The following OR9Q1 variants were observed in gnomAD, a reference collection of about 807,000 sequenced individuals.
The protein encoded by OR9Q1 is olfactory receptor family 9 subfamily Q member 1.
For synonymous variants in OR9Q1, 153 were observed against 148.6 expected (o/e 1.03, Z -0.22); for missense variants, 374 against 378.8 (o/e 0.99, Z 0.11).
At chr11:58,127,680 G>T (rs756668096) in intron 2 of OR9Q1, among the ~76,000 whole-genome samples, 2 of 152,180 alleles carry the variant, frequency 1.3e-5, no homozygotes, top group Admixed American at 6.5e-5. Context: ...AGCAGCTGCA[G>T]GTGGGTGTAC....
chr11:58,108,862 G>T, intron 2 of OR9Q1: 2 of 355,806 alleles, frequency 5.6e-6, no homozygotes, highest in Non-Finnish European at 1.1e-5. Flanking sequence ...TTCCTCTGAG[G>T]ATTTGGCGGA....
intron 2 of OR9Q1, among the ~76,000 whole-genome samples, chr11:58,154,175 A>G (rs12799306): frequency 1.7e-5 from 1 of 58,840 alleles, no homozygotes; most frequent in Non-Finnish European, 4.1e-5. Flanking sequence ...GAGGAGAAGG[A>G]GGAGGGGAAG....
rs386373862 is a variant in OR9Q1, at chr11:58,035,945, G to GTTTT, written c.-93+11853_-93+11856dup. Among the ~76,000 whole-genome samples, 108 of 141,492 alleles carry GTTTT rather than the reference G, an allele frequency of 7.6e-4. 1 individual carries two copies. The highest frequency in any genetic ancestry group is 2.3e-3 in the African/African-American group (88 of 38,716). The allele number at this position is 141,492 out of a possible 152,430, so 92.8% of individuals were successfully genotyped here. A position where few individuals can be genotyped will look rare whatever the true frequency, so the allele number is the denominator to read the frequency against. On this transcript the variant is annotated intron_variant, in intron 1 of 2. Coordinates refer to ENST00000335397, the MANE Select transcript of OR9Q1 (RefSeq NM_001005212.4). Reference sequence around the variant, plus strand: ...GTGTTATTGTGCTTCACTGGTACTGGTTTTTTTTTTTTTTTACAAATTGAA... The same window carrying GTTTT: ...GTGTTATTGTGCTTCACTGGTACTGGTTTTTTTTTTTTTTTTTTTACAAATTGAA...
At chr11:58,164,688 G>A (rs933788922) in intron 2 of OR9Q1, among the ~76,000 whole-genome samples, 3 of 152,022 alleles carry the variant, frequency 2.0e-5, no homozygotes, top group African/African-American at 4.8e-5. Flanking sequence ...ACATTCTCTC[G>A]GTAGTCCAAC....
chr11:58,127,496 G>A (rs1022840789), intron 2 of OR9Q1, among the ~76,000 whole-genome samples: 2 of 152,194 alleles, frequency 1.3e-5, no homozygotes, highest in Admixed American at 6.5e-5. Context: ...CATGGGCCTA[G>A]TTCTGCCTCC....
chr11:58,039,609 A>C (rs919445518), intron 1 of OR9Q1, among the ~76,000 whole-genome samples: 1 of 152,212 alleles, frequency 6.6e-6, no homozygotes, highest in African/African-American at 2.4e-5. Context: ...CAGACTTTGC[A>C]TAGGTGGTCA....
At chr11:58,124,696 G>A (rs1390290259) in intron 2 of OR9Q1, 2 of 152,120 alleles carry the variant, frequency 1.3e-5, no homozygotes, top group Non-Finnish European at 2.9e-5. Context: ...GGAAATGAAG[G>A]TTTAGAGACA....
intron 2 of OR9Q1, among the ~76,000 whole-genome samples, chr11:58,122,227 G>A (rs1369157987): frequency 6.6e-6 from 1 of 152,126 alleles, no homozygotes; most frequent in Non-Finnish European, 1.5e-5. Context: ...CTCTAATCAG[G>A]GTCCTAGTGG....
intron 2 of OR9Q1, among the ~76,000 whole-genome samples, chr11:58,163,908 G>A (rs904466639): frequency 1.3e-5 from 2 of 152,172 alleles, no homozygotes; most frequent in Non-Finnish European, 2.9e-5. Flanking sequence ...CATTCTTAGC[G>A]ATGGCCCAAC....
intron 2 of OR9Q1, among the ~76,000 whole-genome samples, chr11:58,155,866 A>T (rs1249670372): frequency 6.6e-6 from 1 of 151,182 alleles, no homozygotes; most frequent in Non-Finnish European, 1.5e-5. Context: ...AGCATTTTTT[A>T]TAATTTTGGC....
intron 2 of OR9Q1, among the ~76,000 whole-genome samples, chr11:58,131,063 A>C (rs1900536): frequency 1.3e-5 from 2 of 151,960 alleles, no homozygotes; most frequent in Non-Finnish European, 1.5e-5. Context: ...CTGGAGTTTG[A>C]ATGCTATAAA....
At position 58,034,425 on chromosome 11, in the gene OR9Q1, T is replaced by C. The variant is rs141246036; in HGVS notation, c.-93+10321T>C. 1.0e-3 allele frequency among the ~76,000 whole-genome samples: 155 copies of C among 152,248 alleles called. 1 individual carries two copies. The highest frequency in any genetic ancestry group is 3.6e-3 in the African/African-American group (148 of 41,540). On this transcript the variant is annotated intron_variant, in intron 1 of 2. Transcript: ENST00000335397. ...TTAATTGCCTGTGAACTAATAATGA[T>C]TTTTACATTTTTAAATGGTTGAAGA...
chr11:58,053,179 C>A (rs28785283), intron 1 of OR9Q1, among the ~76,000 whole-genome samples: 31,965 of 150,758 alleles, frequency 0.21, 3,558 homozygotes, highest in Middle Eastern at 0.37. Context: ...TTCACAATAG[C>A]AAAGACTTGG....
intron 2 of OR9Q1, among the ~76,000 whole-genome samples, chr11:58,153,554 ATCTT>A (rs1404888088): frequency 1.4e-5 from 2 of 141,166 alleles, no homozygotes; most frequent in East Asian, 4.2e-4. Flanking sequence ...GTTGCAAGAA[ATCTT>A]TTTTTTTTTT....
At chr11:58,167,994 G>A (rs1003143748) in intron 2 of OR9Q1, among the ~76,000 whole-genome samples, 1 of 152,112 alleles carries the variant, frequency 6.6e-6, no homozygotes, top group Non-Finnish European at 1.5e-5. Context: ...TCAAAAGGGA[G>A]GCTGTTGACT....
intron 2 of OR9Q1, among the ~76,000 whole-genome samples, chr11:58,111,190 C>T (rs1455652962): frequency 1.3e-5 from 2 of 152,158 alleles, no homozygotes; most frequent in African/African-American, 4.8e-5. Flanking sequence ...CAAGGACAAC[C>T]CTGGTTTCAC....
chr11:58,097,612 A>G (rs1853744045), intron 2 of OR9Q1, among the ~76,000 whole-genome samples: 1 of 152,212 alleles, frequency 6.6e-6, no homozygotes, highest in Admixed American at 6.5e-5. Context: ...TATTTGCTCA[A>G]GACAAATAAG....
At chr11:58,071,745 T>C (rs966024797) in intron 2 of OR9Q1, among the ~76,000 whole-genome samples, 1 of 152,242 alleles carries the variant, frequency 6.6e-6, no homozygotes, top group African/African-American at 2.4e-5. Flanking sequence ...TATTTACTTA[T>C]TTATTTAGAG....
intron 1 of OR9Q1, chr11:58,041,760 C>T (rs575421595): frequency 6.6e-6 from 1 of 152,368 alleles, no homozygotes; most frequent in South Asian, 2.1e-4. Flanking sequence ...AGCAGTTCTA[C>T]AACTTGTGAT....
Sources: gnomAD v4.1 joint callset for allele counts (sites outside exome capture counted in the v4.1 genomes callset) on GRCh38, gnomAD v4.1.1 for gene constraint, MANE v1.5 for transcripts, NCBI Gene and HGNC (gene_info 2026-07-23, HGNC 2026-07-21) for gene names.